Variants in GPR137B observed in about 807,000 individuals in gnomAD.
GPR137B encodes G protein-coupled receptor 137B.
Under a neutral mutation model 42.5 loss-of-function variants are expected in GPR137B, and 42 were observed. The observed-to-expected ratio is 0.99, with a 90% confidence interval of 0.77 to 1.28. GPR137B has a LOEUF of 1.28. Among genes scored for constraint, GPR137B ranks in the 50% most tolerant of loss-of-function variants. The pLI is 0.00. For synonymous variants in GPR137B, 218 were observed against 209.7 expected, an observed-to-expected ratio of 1.04 and a Z score of -0.34; for missense variants, 487 against 493.9, an observed-to-expected ratio of 0.99 and a Z score of 0.13.
intron 1 of GPR137B, among the ~76,000 whole-genome samples, chr1:236,157,011 T>C (rs1299285654): frequency 6.6e-6 from 1 of 152,196 alleles, no homozygotes; most frequent in Non-Finnish European, 1.5e-5. Context: ...GCCACCCACG[T>C]GGTACTTACT....
intron 6 of GPR137B, among the ~76,000 whole-genome samples, chr1:236,205,930 A>G (rs1286564038): frequency 2.0e-5 from 3 of 152,240 alleles, no homozygotes; most frequent in Admixed American, 6.5e-5. Context: ...GCACTTGTCT[A>G]TGGAATCACT....
intron 4 of GPR137B, among the ~76,000 whole-genome samples, chr1:236,182,472 G>C (rs1358895956): frequency 6.6e-6 from 1 of 152,080 alleles, no homozygotes; most frequent in Non-Finnish European, 1.5e-5. Context: ...AAAAATTTAT[G>C]GGTGGGTGCA....
intron 5 of GPR137B, among the ~76,000 whole-genome samples, chr1:236,201,823 C>T (rs879744749): frequency 6.6e-6 from 1 of 151,926 alleles, no homozygotes; most frequent in Non-Finnish European, 1.5e-5. Context: ...TGTTATAGAA[C>T]CTTGTTTTGT....
At chr1:236,203,876 G>A (rs1237413634) in intron 5 of GPR137B, among the ~76,000 whole-genome samples, 2 of 152,036 alleles carry the variant, frequency 1.3e-5, no homozygotes, top group African/African-American at 4.8e-5. Context: ...CATACTTTTT[G>A]TGGAGTCATT....
chr1:236,180,680 G>A (rs1662847057), intron 4 of GPR137B, among the ~76,000 whole-genome samples: 1 of 150,092 alleles, frequency 6.7e-6, no homozygotes, highest in South Asian at 2.1e-4. Context: ...TGTTGCCCAG[G>A]CTGGAGTGCA....
chr1:236,174,857 G>A (rs549461930), intron 2 of GPR137B, among the ~76,000 whole-genome samples: 1 of 152,088 alleles, frequency 6.6e-6, no homozygotes, highest in East Asian at 1.9e-4. Context: ...AGAAAAAAAG[G>A]ACATTGGGAA....
intron 5 of GPR137B, among the ~76,000 whole-genome samples, chr1:236,196,677 C>T (rs138814383): frequency 8.9e-4 from 135 of 152,284 alleles, no homozygotes; most frequent in African/African-American, 3.2e-3. Context: ...CTTCATAGCT[C>T]AGCTCCTGCT....
intron 3 of GPR137B, among the ~76,000 whole-genome samples, chr1:236,179,368 C>T (rs1179182700): frequency 6.6e-6 from 1 of 152,160 alleles, no homozygotes; most frequent in Non-Finnish European, 1.5e-5. Context: ...GGGCACAAAT[C>T]ACTGATTTCC....
chr1:236,206,829 G>GAGGCCAGCAAGGCCAGCA lies in GPR137B; in HGVS notation c.1092-1212_1092-1211insAGGCCAGCAAGGCCAGCA, dbSNP rs59223009. Among the ~76,000 whole-genome samples the GAGGCCAGCAAGGCCAGCA allele has an allele frequency of 8.3e-4, 126 of 151,712 alleles. 1 individual carries two copies. The highest frequency in any genetic ancestry group is 3.0e-3 in the African/African-American group (124 of 41,280). ...TTTCAGCCTGTGGCTCTGAGACGGT[G>GAGGCCAGCAAGGCCAGCA]AGGCCAGCAGGGGTGAGAGGAGCCA... On this transcript the variant is annotated intron_variant, in intron 6 of 6. Coordinates refer to ENST00000366592, the MANE Select transcript of GPR137B (RefSeq NM_003272.4).
intron 2 of GPR137B, among the ~76,000 whole-genome samples, chr1:236,169,216 A>G (rs12063870): frequency 0.012 from 1,615 of 131,410 alleles, 39 homozygotes; most frequent in African/African-American, 0.056. Context: ...AGGTGCAGGT[A>G]CAGGTACAGG....
At chr1:236,200,576 G>C (rs150046616) in intron 5 of GPR137B, among the ~76,000 whole-genome samples, 3 of 151,932 alleles carry the variant, frequency 2.0e-5, no homozygotes, top group Non-Finnish European at 4.4e-5. Flanking sequence ...CTGTTGGACT[G>C]ATCCTTTTAT....
intron 1 of GPR137B, among the ~76,000 whole-genome samples, chr1:236,149,856 A>G (rs1386396856): frequency 6.6e-6 from 1 of 152,084 alleles, no homozygotes; most frequent in Non-Finnish European, 1.5e-5. Context: ...GCGCCTTTGT[A>G]TGTGTATGTG....
chr1:236,199,352 A>G (rs1663430896), intron 5 of GPR137B, among the ~76,000 whole-genome samples: 1 of 151,344 alleles, frequency 6.6e-6, no homozygotes. Flanking sequence ...GGATAAACAT[A>G]GTTTTGCTAT....
chr1:236,157,777 T>C (rs1159134129), intron 1 of GPR137B, among the ~76,000 whole-genome samples: 1 of 152,164 alleles, frequency 6.6e-6, no homozygotes, highest in African/African-American at 2.4e-5. Context: ...AAAAAATCCA[T>C]GTATAGATGC....
chr1:236,173,434 G>T (rs1662605061), intron 2 of GPR137B, among the ~76,000 whole-genome samples: 1 of 151,234 alleles, frequency 6.6e-6, no homozygotes, highest in South Asian at 2.1e-4. Flanking sequence ...AGGGAGGGAG[G>T]GAAGGAGGAA....
intron 1 of GPR137B, among the ~76,000 whole-genome samples, chr1:236,149,776 G>A (rs1185874062): frequency 1.3e-5 from 2 of 152,274 alleles, no homozygotes; most frequent in Non-Finnish European, 2.9e-5. Context: ...CTCAGCCCCT[G>A]GCACCGGCTC....
intron 6 of GPR137B, among the ~76,000 whole-genome samples, chr1:236,206,035 C>A (rs774353014): frequency 6.6e-6 from 1 of 152,006 alleles, no homozygotes; most frequent in South Asian, 2.1e-4. Context: ...TTATAAAGGA[C>A]CAAGTTTTCA....
intron 2 of GPR137B, 33 bp downstream of exon 2, chr1:236,168,788 GA>G (rs1662438675): frequency 4.2e-6 from 6 of 1,437,354 alleles, no homozygotes; most frequent in Non-Finnish European, 5.9e-6. Flanking sequence ...TTCTGTGGTA[GA>G]AGGGGAAAGT....
chr1:236,205,140 G>A lies in GPR137B; in HGVS notation c.981G>A (p.Met327Ile). The change falls in exon 6 of 7, where the codon ATG becomes ATA. Residue 327 changes from methionine (M) to isoleucine (I), a missense_variant. Physicochemically the swap from Met to Ile is conservative, Grantham distance 10. Coordinates refer to ENST00000366592, the MANE Select transcript of GPR137B (RefSeq NM_003272.4). Reference protein sequence around the residue: ...NPTKDLTNPGMVPSHGFSPRS... With the variant: ...NPTKDLTNPGIVPSHGFSPRS... ...TGTCTTTCTAGACCAACCCTGGAATGGTCCCCAGCCATGGATTCAGTCCCA... is the reference window on the plus strand; with the variant it reads ...TGTCTTTCTAGACCAACCCTGGAATAGTCCCCAGCCATGGATTCAGTCCCA... 1 of 1,612,914 alleles carries A rather than the reference G, an allele frequency of 6.2e-7. No individual in the cohort carries two copies. Among genetic ancestry groups the A allele is most frequent in the South Asian group, 1.1e-5 (1 of 91,008 alleles).
Sources: gnomAD v4.1 joint callset for allele counts (sites outside exome capture counted in the v4.1 genomes callset) on GRCh38, gnomAD v4.1.1 for gene constraint, MANE v1.5 for transcripts, NCBI Gene and HGNC (gene_info 2026-07-23, HGNC 2026-07-21) for gene names.